Variants in SUPV3L1 observed in about 807,000 individuals in gnomAD.
The protein encoded by SUPV3L1 is Suv3 like RNA helicase.
Under a neutral mutation model 70.0 loss-of-function variants are expected in SUPV3L1, and 35 were observed. That is an observed-to-expected ratio of 0.50 (90% confidence interval 0.38 to 0.66). The LOEUF is 0.66. SUPV3L1 is among the 30% of genes least tolerant of loss of function. The probability of loss-of-function intolerance (pLI) is 0.00; values close to 1 mark genes in which losing one functional copy is unlikely to be tolerated. For missense variants in SUPV3L1, 777 were observed against 961.5 expected, an observed-to-expected ratio of 0.81 and a Z score of 2.54; for synonymous variants, 364 against 341.9, an observed-to-expected ratio of 1.06 and a Z score of -0.71.
intron 9 of SUPV3L1, among the ~76,000 whole-genome samples, 190 bp from the exon 10 acceptor site, chr10:69,198,914 C>CG (rs748872529): frequency 9.2e-5 from 14 of 151,850 alleles, no homozygotes; most frequent in Non-Finnish European, 1.3e-4. Context: ...TGCTATATGA[C>CG]GGAGTATTTG....
chr10:69,194,186 GAGGCAGTGTGGT>G lies in SUPV3L1; in HGVS notation c.854-999_854-988del, dbSNP rs1250503841. Among the ~76,000 whole-genome samples, 4 of 152,134 alleles carry G rather than the reference GAGGCAGTGTGGT, an allele frequency of 2.6e-5. No individual in the cohort carries two copies. The East Asian group carries it at 7.7e-4, about 29-fold the overall frequency. On this transcript the variant is annotated intron_variant, in intron 6 of 14. Coordinates refer to ENST00000359655, the MANE Select transcript of SUPV3L1 (RefSeq NM_003171.5). The stretch of plus-strand genomic sequence containing the variant: ...GGACAAGTGGAACTGCTCAGTGTGG[GAGGCAGTGTGGT>G]AGAGTATGTAAGAGTATGGACTTGG...
chr10:69,196,997 T>G lies in SUPV3L1; in HGVS notation c.937T>G (p.Cys313Gly). ...ACCCAGTTTTGCATTGACAGGACTGTGTGCTGAAGAGGTTCATTTGTGTGG... is the reference window on the plus strand; with the variant it reads ...ACCCAGTTTTGCATTGACAGGACTGGGTGCTGAAGAGGTTCATTTGTGTGG... The part of the protein sequence containing the change: ...WAWTRALLGL[C>G]AEEVHLCGEP... Residue 313 changes from cysteine (C) to glycine (G), a missense_variant, in exon 8 of 15, where the codon TGT becomes GGT. This residue lies in a region of SUPV3L1 where 619 missense variants were observed against 823.3 expected (regional missense o/e 0.75). Transcript: ENST00000359655. 6.2e-7 allele frequency: 1 copy of G among 1,614,046 alleles called. No individual in the cohort carries two copies. Among genetic ancestry groups the G allele is most frequent in the Non-Finnish European group, 8.5e-7 (1 of 1,179,932 alleles).
intron 4 of SUPV3L1, among the ~76,000 whole-genome samples, chr10:69,188,213 G>T (rs568348873): frequency 6.6e-6 from 1 of 152,106 alleles, no homozygotes; most frequent in East Asian, 1.9e-4. Flanking sequence ...CCAGGAATTC[G>T]CAGGGAACCC....
intron 5 of SUPV3L1, among the ~76,000 whole-genome samples, chr10:69,189,765 G>A (rs752035179): frequency 6.6e-6 from 1 of 150,382 alleles, no homozygotes; most frequent in African/African-American, 2.4e-5. Flanking sequence ...TCTTGCCTCA[G>A]CCTCCCCAGT....
chr10:69,185,056 A>G (rs1842180097), intron 1 of SUPV3L1, among the ~76,000 whole-genome samples: 2 of 152,320 alleles, frequency 1.3e-5, no homozygotes, highest in Middle Eastern at 3.4e-3. Context: ...TCCCAATAGC[A>G]TAGACATTTC....
intron 10 of SUPV3L1, 57 bp from the exon 11 acceptor site, chr10:69,200,223 C>A (rs1842649554): frequency 7.0e-7 from 1 of 1,437,538 alleles, no homozygotes; most frequent in Admixed American, 1.8e-5. Context: ...ATGCAATGAC[C>A]CAAGTATTGG....
intron 1 of SUPV3L1, among the ~76,000 whole-genome samples, chr10:69,181,774 C>T (rs1366053660): frequency 6.6e-6 from 1 of 152,072 alleles, no homozygotes; most frequent in Non-Finnish European, 1.5e-5. Context: ...TGGCATTAAT[C>T]CACTCACAAA....
At chr10:69,189,485 T>C (rs1267485945) in intron 5 of SUPV3L1, 50 bp downstream of exon 5, 1 of 1,528,748 alleles carries the variant, frequency 6.5e-7, no homozygotes, top group African/African-American at 1.4e-5. Flanking sequence ...TTTTCTTTTT[T>C]GGTGGGAGTG....
intron 2 of SUPV3L1, 79 bp from the exon 3 acceptor site, chr10:69,186,364 A>G: frequency 8.2e-6 from 6 of 728,530 alleles, no homozygotes; most frequent in Non-Finnish European, 7.0e-6. Flanking sequence ...AGACTCTTTG[A>G]TGAGTTTGGT....
intron 12 of SUPV3L1, 140 bp from the exon 13 acceptor site, chr10:69,202,727 T>C: frequency 9.8e-7 from 1 of 1,020,182 alleles, no homozygotes; most frequent in Non-Finnish European, 1.4e-6. Flanking sequence ...GGGAAGGATA[T>C]GAGGGAGTGA....
In SUPV3L1 at chr10:69,208,882, A is replaced by G. The variant is rs1446853143; in HGVS notation, c.2208A>G (p.Arg736=). The G allele has an allele frequency of 9.9e-6, 16 of 1,613,964 alleles. No homozygotes were observed. Among genetic ancestry groups the G allele is most frequent in the Non-Finnish European group, 1.3e-5 (15 of 1,180,008 alleles). ...CAGGAGAGCTGTCCCTTGCTTCCAG[A>G]TTGGTGCAGCAAGGACTCCTCACTC... is the stretch of plus-strand genomic sequence containing the variant. The part of the protein sequence containing the change: ...PDAGELSLAS[R]LVQQGLLTPD... The change falls in exon 15 of 15, where the codon AGA becomes AGG. Residue 736 remains arginine (R), a synonymous_variant. Transcript: ENST00000359655.
intron 5 of SUPV3L1, among the ~76,000 whole-genome samples, chr10:69,191,114 A>G (rs1198162912): frequency 2.6e-5 from 4 of 152,210 alleles, no homozygotes; most frequent in Non-Finnish European, 5.9e-5. Context: ...GCAGTGTCTC[A>G]TGCTTTTGTT....
Position 69,180,528 on chromosome 10 carries a change from CGTCGGG to C in SUPV3L1, c.239_244del (p.Val80_Gly81del), listed in dbSNP as rs1842024050. On this transcript the variant is annotated inframe_deletion, in exon 1 of 15. Coordinates refer to ENST00000359655, the MANE Select transcript of SUPV3L1 (RefSeq NM_003171.5). ...CTCAGGGCCCCAGCGCCGACGGCGA[CGTCGGG>C]GCCGAGCTAACCCGGCCTCTGGACA... is the stretch of plus-strand genomic sequence containing the variant. 7.4e-6 allele frequency: 12 copies of C among 1,614,074 alleles called. No individual in the cohort carries two copies. Among genetic ancestry groups the C allele is most frequent in the Admixed American group, 1.7e-5 (1 of 60,010 alleles).
At chr10:69,192,920 C>G (rs893165753) in intron 6 of SUPV3L1, 3 of 152,160 alleles carry the variant, frequency 2.0e-5, no homozygotes, top group Non-Finnish European at 2.9e-5. Context: ...GCTGTGTTGC[C>G]CGGACTGGTC....
rs917283610 is a variant in SUPV3L1, at chr10:69,202,326, C to T, written c.1519-113C>T. 5 of 706,882 alleles carry T rather than the reference C, an allele frequency of 7.1e-6. No homozygotes were observed. The African/African-American group carries it at 9.1e-5, about 13-fold the overall frequency. 43.8% of individuals were successfully genotyped at this position (706,882 alleles called of 1,614,324 possible). The stretch of plus-strand genomic sequence containing the variant: ...TTACTCAAATTCTTGGCATTTACTT[C>T]ATATGGTGAGAGCTTAGCCTGAATG... On this transcript the variant is annotated intron_variant, in intron 11 of 14. Coordinates refer to ENST00000359655, the MANE Select transcript of SUPV3L1 (RefSeq NM_003171.5).
rs976140196 is a variant in SUPV3L1 at position 69,207,842 on chromosome 10, G to A, written c.1826G>A (p.Arg609His). The A allele has an allele frequency of 6.8e-6, 11 of 1,614,016 alleles. No homozygotes were observed. The highest frequency in any genetic ancestry group is 8.5e-6 in the Non-Finnish European group (10 of 1,180,002). Reference protein sequence around the residue: ...RNEPLTFAWLRRYIKWPLLPP... With the variant: ...RNEPLTFAWLHRYIKWPLLPP... ...GAGCCCCTGACCTTTGCATGGTTAC[G>A]CCGATACATCAAATGGCCTTTACTT... Residue 609 changes from arginine (R) to histidine (H), a missense_variant, in exon 14 of 15, where the codon CGC becomes CAC. Physicochemically the swap from Arg to His is conservative, Grantham distance 29. This residue lies in a region of SUPV3L1 where 619 missense variants were observed against 823.3 expected (regional missense o/e 0.75). Coordinates refer to ENST00000359655, the MANE Select transcript of SUPV3L1 (RefSeq NM_003171.5).
At chr10:69,194,930 A>T in intron 6 of SUPV3L1, among the ~76,000 whole-genome samples, 1 of 152,194 alleles carries the variant, frequency 6.6e-6, no homozygotes, top group East Asian at 1.9e-4. Flanking sequence ...TAAGGCAAGT[A>T]ACTTAATTTC....
intron 11 of SUPV3L1, among the ~76,000 whole-genome samples, chr10:69,202,084 C>T (rs1313797852): frequency 6.6e-6 from 1 of 151,962 alleles, no homozygotes; most frequent in Non-Finnish European, 1.5e-5. Context: ...CGTGATCCGC[C>T]CACCTTGGCC....
chr10:69,206,241 A>G (rs1421295201), intron 13 of SUPV3L1, among the ~76,000 whole-genome samples: 1 of 152,200 alleles, frequency 6.6e-6, no homozygotes, highest in Non-Finnish European at 1.5e-5. Context: ...CTTGGCATTT[A>G]TTAAACTTAG....
Sources: gnomAD v4.1 joint callset for allele counts (sites outside exome capture counted in the v4.1 genomes callset) on GRCh38, gnomAD v4.1.1 for gene constraint, gnomAD v4.1.1 regional missense constraint, MANE v1.5 for transcripts, NCBI Gene and HGNC (gene_info 2026-07-23, HGNC 2026-07-21) for gene names.